Variants in CFAP54 observed in about 807,000 individuals in gnomAD.
CFAP54 encodes cilia- and flagella-associated protein 54.
In CFAP54, 290 loss-of-function variants were observed where a neutral mutation model predicts 370.4. That is an observed-to-expected ratio of 0.78 (90% CI 0.71 to 0.86). The LOEUF (loss-of-function observed/expected upper bound fraction) is 0.86, where lower values mean the gene tolerates loss of function less well. CFAP54 is among the 40% of genes least tolerant of loss of function. The pLI, the probability that CFAP54 is intolerant of heterozygous loss-of-function variation, is 0.00. For missense variants in CFAP54, 3,399 were observed against 3,528.7 expected (o/e 0.96, Z 0.93); for synonymous variants, 1,206 against 1,236.5 (o/e 0.98, Z 0.52).
chr12:96,765,530 C>T (rs1958394154), intron 60 of CFAP54, among the ~76,000 whole-genome samples: 1 of 152,156 alleles, frequency 6.6e-6, no homozygotes, highest in Admixed American at 6.5e-5. Context: ...CCTCTCTGAT[C>T]CTTTCATCCA....
At chr12:96,685,526 A>C (rs2136556679) in intron 42 of CFAP54, among the ~76,000 whole-genome samples, 1 of 148,602 alleles carries the variant, frequency 6.7e-6, no homozygotes, top group South Asian at 2.2e-4. Context: ...GCTGGCATTC[A>C]ATAACTACTT....
chr12:96,575,649 T>G (rs1009505242), intron 19 of CFAP54, among the ~76,000 whole-genome samples: 2 of 152,118 alleles, frequency 1.3e-5, no homozygotes, highest in Admixed American at 6.6e-5. Context: ...CAAACACCAT[T>G]GTGTAACTCA....
intron 5 of CFAP54, among the ~76,000 whole-genome samples, chr12:96,514,561 A>C (rs1315915263): frequency 1.3e-5 from 2 of 152,232 alleles, no homozygotes; most frequent in Non-Finnish European, 2.9e-5. Context: ...AACAACAACA[A>C]ACATGGCTTC....
chr12:96,575,552 T>C (rs1383337774), intron 19 of CFAP54, among the ~76,000 whole-genome samples: 2 of 152,098 alleles, frequency 1.3e-5, no homozygotes. Flanking sequence ...ATCACAATCA[T>C]AATCATAATC....
chr12:96,541,748 G>A (rs537490566), intron 14 of CFAP54, among the ~76,000 whole-genome samples: 1 of 152,262 alleles, frequency 6.6e-6, no homozygotes, highest in South Asian at 2.1e-4. Flanking sequence ...ATGGATCAGT[G>A]TCATTCTACT....
chr12:96,596,665 C>G lies in CFAP54; in HGVS notation c.3517-1980C>G, dbSNP rs557770918. Among the ~76,000 whole-genome samples, 4 of 152,030 alleles carry G rather than the reference C, an allele frequency of 2.6e-5. No individual in the cohort carries two copies. In the East Asian group the frequency reaches 7.7e-4, roughly 29 times the overall value. On this transcript the variant is annotated intron_variant, in intron 25 of 67. Transcript: ENST00000524981. ...GTGCAGTCCGGGGTTTGGGGGGAAA[C>G]ATTTCTAACCAAGACTGAACTTCTA...
intron 16 of CFAP54, 81 bp from the exon 17 acceptor site, chr12:96,554,595 C>A: frequency 7.6e-7 from 1 of 1,316,092 alleles, no homozygotes; most frequent in South Asian, 1.6e-5. Flanking sequence ...ATGATGATAA[C>A]TTGAGTGATA....
At chr12:96,598,900 T>C (rs1956208695) in intron 26 of CFAP54, 133 bp downstream of exon 26, 3 of 400,064 alleles carry the variant, frequency 7.5e-6, no homozygotes, top group Admixed American at 8.4e-5. Context: ...AAAGCAAATG[T>C]AGAGGCCAAA....
intron 19 of CFAP54, among the ~76,000 whole-genome samples, chr12:96,568,027 T>C (rs1340480551): frequency 6.6e-6 from 1 of 152,172 alleles, no homozygotes; most frequent in East Asian, 1.9e-4. Flanking sequence ...GGCTTTAATA[T>C]TTCCCAAACT....
At chr12:96,673,794 C>A (rs529233733) in intron 39 of CFAP54, among the ~76,000 whole-genome samples, 2 of 152,148 alleles carry the variant, frequency 1.3e-5, no homozygotes, top group African/African-American at 4.8e-5. Context: ...AGTGGTGATG[C>A]GATACATTTA....
intron 26 of CFAP54, among the ~76,000 whole-genome samples, chr12:96,609,723 A>G (rs1478632637): frequency 1.3e-5 from 2 of 152,222 alleles, no homozygotes; most frequent in South Asian, 2.1e-4. Context: ...AAGTGATTCT[A>G]TGTAATACAC....
chr12:96,684,550 A>G, intron 40 of CFAP54, 98 bp from the exon 41 acceptor site: 1 of 909,616 alleles, frequency 1.1e-6, no homozygotes, highest in Admixed American at 2.2e-5. Flanking sequence ...TGCAATCTAC[A>G]CAGTTAAGGA....
chr12:96,754,527 A>G (rs1050502392), intron 56 of CFAP54, among the ~76,000 whole-genome samples: 2 of 152,164 alleles, frequency 1.3e-5, no homozygotes, highest in African/African-American at 4.8e-5. Context: ...GGTAGGCATG[A>G]CAAATCCTGC....
At chr12:96,565,081 A>T (rs1955853332) in intron 19 of CFAP54, 1 of 167,000 alleles carries the variant, frequency 6.0e-6, no homozygotes, top group African/African-American at 2.4e-5. Context: ...TTTACAATGG[A>T]ATTAAAATTC....
At chr12:96,790,548 T>C (rs1313175671) in intron 62 of CFAP54, among the ~76,000 whole-genome samples, 3 of 152,326 alleles carry the variant, frequency 2.0e-5, no homozygotes, top group Non-Finnish European at 4.4e-5. Context: ...TATTTTTACT[T>C]TTCAATACTT....
At chr12:96,539,063 G>GTTTTTTT (rs1565889464) in intron 13 of CFAP54, among the ~76,000 whole-genome samples, 20 of 102,370 alleles carry the variant, frequency 2.0e-4, no homozygotes, top group African/African-American at 6.5e-4. Context: ...GGCCTTTTCA[G>GTTTTTTT]GTTTTTTTTT....
At chr12:96,694,384 T>A (rs1957418630) in intron 45 of CFAP54, among the ~76,000 whole-genome samples, 1 of 152,152 alleles carries the variant, frequency 6.6e-6, no homozygotes, top group South Asian at 2.1e-4. Flanking sequence ...CCCACTTTTG[T>A]TGAATTTGTT....
intron 23 of CFAP54, among the ~76,000 whole-genome samples, chr12:96,591,536 T>C (rs1162608429): frequency 2.0e-5 from 3 of 151,882 alleles, no homozygotes; most frequent in Non-Finnish European, 4.4e-5. Context: ...GATAACACTA[T>C]GGTGGTCGAG....
rs531119557 is a variant in CFAP54 at position 96,788,372 on chromosome 12, A to G, written c.8679+1474A>G. Among the ~76,000 whole-genome samples the G allele has an allele frequency of 3.4e-4, 52 of 152,354 alleles. No individual in the cohort carries two copies. In the South Asian group the frequency reaches 0.01, roughly 30 times the overall value. ...ACTCAAGTGGACATAGCATATTGTA[A>G]GCTTCCAATACATATCTGTGAAATG... is the stretch of plus-strand genomic sequence containing the variant. On this transcript the variant is annotated intron_variant, in intron 62 of 67. Transcript: ENST00000524981.
Sources: allele counts gnomAD v4.1 joint callset (sites outside exome capture counted in the v4.1 genomes callset), GRCh38; gene constraint gnomAD v4.1.1; transcripts MANE v1.5; gene names NCBI Gene and HGNC (gene_info 2026-07-23, HGNC 2026-07-21).